Variants in C5 observed in about 807,000 individuals in gnomAD.
C5 encodes the protein complement C5, also known as C3 and PZP-like alpha-2-macroglobulin domain-containing protein 4.
C5 carries 140 observed loss-of-function variants against 218.8 expected under a neutral mutation model. The observed-to-expected ratio is 0.64, with a 90% CI of 0.56 to 0.74. The LOEUF is 0.74. Among genes scored for constraint, C5 ranks in the 30% least tolerant of loss-of-function variants. The pLI is 0.00. For synonymous variants in C5, 614 were observed against 682.3 expected (o/e 0.90, Z 1.56); for missense variants, 1,700 against 1,969.6 (o/e 0.86, Z 2.59).
intron 20 of C5, among the ~76,000 whole-genome samples, chr9:121,003,490 C>G (rs2047189422): frequency 2.6e-5 from 4 of 152,086 alleles, no homozygotes. Context: ...AGTGACATTT[C>G]TTAACATGAT....
chr9:120,956,225 CAG>C (rs934491629), intron 39 of C5, among the ~76,000 whole-genome samples: 14 of 152,042 alleles, frequency 9.2e-5, no homozygotes, highest in Non-Finnish European at 1.5e-5. Context: ...ACCTGGGAAA[CAG>C]AGTTTGCAGT....
chr9:120,982,582 C>T, intron 26 of C5, 73 bp downstream of exon 26: 1 of 1,172,942 alleles, frequency 8.5e-7, no homozygotes, highest in Non-Finnish European at 1.3e-6. Context: ...CTTCTTCATC[C>T]TCCCATAATC....
At chr9:120,958,404 G>A (rs942769996) in intron 38 of C5, among the ~76,000 whole-genome samples, 4 of 152,158 alleles carry the variant, frequency 2.6e-5, no homozygotes, top group African/African-American at 9.7e-5. Flanking sequence ...TTTATTCTCT[G>A]TGTTAAAATA....
In C5 at chr9:121,017,495, T is replaced by A; in HGVS notation, c.1733A>T (p.Asp578Val). ...TTGGCCTGGAGAATATGCATCTGCA[T>A]CAGGAGACAGATGAACCTAAAAGTT... Reference protein sequence around the residue: ...GNQLQVHLSPDADAYSPGQTV... With the variant: ...GNQLQVHLSPVADAYSPGQTV... Residue 578 changes from aspartate to valine, a missense_variant, in exon 14 of 41, where the codon GAT becomes GTT. Transcript: ENST00000223642. 6.2e-7 allele frequency: 1 copy of A among 1,613,842 alleles called. No homozygotes were observed. The highest frequency in any genetic ancestry group is 8.5e-7 in the Non-Finnish European group (1 of 1,179,936).
chr9:120,986,414 TG>T (rs1361395261), intron 25 of C5, among the ~76,000 whole-genome samples: 2 of 152,068 alleles, frequency 1.3e-5, no homozygotes, highest in African/African-American at 4.8e-5. Context: ...TCATCAATTT[TG>T]GGTTTTGCTA....
chr9:120,989,913 A>G, intron 23 of C5, 133 bp from the exon 24 acceptor site: 1 of 702,484 alleles, frequency 1.4e-6, no homozygotes, highest in Non-Finnish European at 2.5e-6. Flanking sequence ...CTTCTCAGAA[A>G]CGGGGTGAGA....
chr9:121,069,531 T>G, the C5 span, among the ~76,000 whole-genome samples: 3 of 151,310 alleles, frequency 2.0e-5, no homozygotes, highest in South Asian at 6.3e-4. Flanking sequence ...AGAAACTCTT[T>G]TTTTTTTTTT....
At chr9:121,041,549 C>T (rs534680427) in intron 3 of C5, among the ~76,000 whole-genome samples, 71 of 152,004 alleles carry the variant, frequency 4.7e-4, no homozygotes, top group Admixed American at 1.6e-3. Flanking sequence ...GTGATCCCCC[C>T]ACCTCGGACT....
At chr9:121,018,661 AGG>A (rs1291955840) in intron 12 of C5, among the ~76,000 whole-genome samples, 163 of 121,668 alleles carry the variant, frequency 1.3e-3, no homozygotes, top group South Asian at 1.8e-3. Context: ...GAAAGAAAGA[AGG>A]AAGGAAGGAA....
In C5 at chr9:121,017,503, C is replaced by T. The variant is rs7860179; in HGVS notation, c.1725G>A (p.Leu575=). Residue 575 remains leucine (L), a synonymous_variant, in exon 14 of 41, where the codon CTG becomes CTA. Coordinates refer to ENST00000223642, the MANE Select transcript of C5 (RefSeq NM_001735.3). ...GAGAATATGCATCTGCATCAGGAGA[C>T]AGATGAACCTAAAAGTTCATTTGAA... ...EKCGNQLQVH[L]SPDADAYSPG... 5.1e-3 allele frequency: 8,253 copies of T among 1,613,718 alleles called. 408 individuals carry two copies. In the African/African-American group the frequency reaches 0.098, roughly 19 times the overall value.
intron 29 of C5, 72 bp downstream of exon 29, chr9:120,976,628 G>A: frequency 8.2e-7 from 1 of 1,220,148 alleles, no homozygotes; most frequent in Non-Finnish European, 1.2e-6. Flanking sequence ...AAGGCATGGA[G>A]GCCAGATGAG....
chr9:121,001,856 C>T (rs1160850070), intron 20 of C5, among the ~76,000 whole-genome samples: 1 of 151,924 alleles, frequency 6.6e-6, no homozygotes, highest in Non-Finnish European at 1.5e-5. Flanking sequence ...TTAGTTCACT[C>T]CAAGACAAAA....
chr9:121,012,226 C>T (rs1037384044), intron 17 of C5, among the ~76,000 whole-genome samples: 4 of 149,980 alleles, frequency 2.7e-5, no homozygotes, highest in Admixed American at 2.0e-4. Flanking sequence ...TCGTGTACCC[C>T]GTAAATACTA....
At chr9:120,965,698 G>A (rs2046862312) in intron 33 of C5, among the ~76,000 whole-genome samples, 1 of 152,090 alleles carries the variant, frequency 6.6e-6, no homozygotes, top group African/African-American at 2.4e-5. Flanking sequence ...AAAACACTTG[G>A]AACTCTAATG....
At chr9:120,970,117 T>C in intron 32 of C5, 53 bp downstream of exon 32, 1 of 1,220,086 alleles carries the variant, frequency 8.2e-7, no homozygotes, top group Non-Finnish European at 1.2e-6. Flanking sequence ...TCTCTATTTA[T>C]ACACATGCTT....
Position 120,981,869 on chromosome 9 carries a change from T to C in C5, c.3461A>G (p.Lys1154Arg). 1 of 1,613,762 alleles carries C rather than the reference T, an allele frequency of 6.2e-7. No homozygotes were observed. Among genetic ancestry groups the C allele is most frequent in the Non-Finnish European group, 8.5e-7 (1 of 1,179,694 alleles). ...LTAFTVIGIRKAFDICPLVKI... is the reference protein window; with the variant it reads ...LTAFTVIGIRRAFDICPLVKI... ...CACCAGGGGGCATATATCGAAAGCCTTTCTAATTCCAATCACAGTAAAGGC... is the reference window on the plus strand; with the variant it reads ...CACCAGGGGGCATATATCGAAAGCCCTTCTAATTCCAATCACAGTAAAGGC... Residue 1154 changes from lysine (K) to arginine (R), a missense_variant, in exon 27 of 41, where the codon AAG becomes AGG. Coordinates refer to ENST00000223642, the MANE Select transcript of C5 (RefSeq NM_001735.3).
intron 17 of C5, among the ~76,000 whole-genome samples, chr9:121,013,145 C>A (rs973603276): frequency 6.6e-6 from 1 of 151,906 alleles, no homozygotes; most frequent in Non-Finnish European, 1.5e-5. Context: ...TATGGTGAAA[C>A]CCTGTCCCTA....
At chr9:121,032,422 TA>T (rs2047484021) in intron 5 of C5, among the ~76,000 whole-genome samples, 1 of 152,244 alleles carries the variant, frequency 6.6e-6, no homozygotes, top group African/African-American at 2.4e-5. Flanking sequence ...TATATTGTAT[TA>T]TTTTTCCTGG....
intron 1 of C5, among the ~76,000 whole-genome samples, chr9:121,046,885 C>T (rs549754347): frequency 1.3e-5 from 2 of 152,180 alleles, no homozygotes; most frequent in African/African-American, 4.8e-5. Context: ...AAAGGTCTAG[C>T]ACTCTTAGTA....
Sources: gnomAD v4.1 joint callset for allele counts (sites outside exome capture counted in the v4.1 genomes callset) on GRCh38, gnomAD v4.1.1 for gene constraint, MANE v1.5 for transcripts, NCBI Gene and HGNC (gene_info 2026-07-23, HGNC 2026-07-21) for gene names.